DMD: variants seen among roughly 807,000 people sequenced by gnomAD.
DMD encodes mutant dystrophin.
DMD carries 63 observed loss-of-function variants against 330.1 expected under a neutral mutation model. The observed-to-expected ratio is 0.19, with a 90% CI of 0.16 to 0.24. The LOEUF (loss-of-function observed/expected upper bound fraction) is 0.24, where lower values mean the gene tolerates loss of function less well. Among genes scored for constraint, DMD ranks in the 10% least tolerant of loss-of-function variants. DMD has a pLI of 1.00. For synonymous variants in DMD, 1,223 were observed against 959.8 expected (o/e 1.27, Z -5.07); for missense variants, 3,344 against 2,684.1 (o/e 1.25, Z -5.43).
At chrX:33,298,447 G>C (rs1449844491) in intron 1 of DMD, among the ~76,000 whole-genome samples, 2 of 111,334 alleles carry the variant, frequency 1.8e-5, no homozygotes, top group East Asian at 5.7e-4. Flanking sequence ...GCTGAAAAAA[G>C]GAGAAAACTA....
At chrX:32,474,202 CATACAT>C (rs1167039385) in intron 21 of DMD, among the ~76,000 whole-genome samples, 11 of 28,795 alleles carry the variant, frequency 3.8e-4, no homozygotes, top group Admixed American at 6.0e-4. Flanking sequence ...TATATACATA[CATACAT>C]ACACACACAC....
intron 7 of DMD, among the ~76,000 whole-genome samples, chrX:32,774,788 G>A (rs1033229285): frequency 3.6e-5 from 4 of 110,828 alleles, no homozygotes; most frequent in African/African-American, 6.6e-5. Context: ...TTCTGCTCCC[G>A]GCCCCTCCCA....
Position 31,484,557 on chromosome X carries a change from C to A in DMD, c.8548-5454G>T, listed in dbSNP as rs751280932. 3.6e-5 allele frequency among the ~76,000 whole-genome samples: 4 copies of A among 111,683 alleles called. No homozygotes were observed. In the South Asian group the frequency reaches 1.5e-3, roughly 42 times the overall value. Reference sequence around the variant, plus strand: ...GAAGCAATACTAAAGACGTAGAGCACCTCTATGAAAATAAAATATGCAATT... The same window carrying A: ...GAAGCAATACTAAAGACGTAGAGCAACTCTATGAAAATAAAATATGCAATT... On this transcript the variant is annotated intron_variant, in intron 57 of 78. Transcript: ENST00000357033.
At chrX:33,118,058 T>A (rs1274556236) in intron 1 of DMD, among the ~76,000 whole-genome samples, 1 of 109,841 alleles carries the variant, frequency 9.1e-6, no homozygotes, top group Non-Finnish European at 1.9e-5. Flanking sequence ...CTAATTTACA[T>A]CCTATACTTG....
chrX:32,873,683 A>C (rs765124910), intron 2 of DMD, among the ~76,000 whole-genome samples: 1 of 112,410 alleles, frequency 8.9e-6, no homozygotes, highest in African/African-American at 3.2e-5. Context: ...ATGCAAACAT[A>C]AAATGATAAC....
intron 4 of DMD, among the ~76,000 whole-genome samples, chrX:32,844,469 G>C (rs1158045524): frequency 1.8e-5 from 2 of 110,012 alleles, no homozygotes; most frequent in East Asian, 5.7e-4. Context: ...AGCAAAGTAA[G>C]AAAAGAAACC....
chrX:32,731,648 G>A (rs939240854), intron 7 of DMD, among the ~76,000 whole-genome samples: 1 of 112,004 alleles, frequency 8.9e-6, no homozygotes, highest in Non-Finnish European at 1.9e-5. Flanking sequence ...CCCAAAAGGG[G>A]CATACTGACA....
intron 7 of DMD, among the ~76,000 whole-genome samples, chrX:32,807,122 T>TAAAAAAAAAAAAAAAAAAAAA (rs999286386): frequency 4.8e-5 from 1 of 20,741 alleles, no homozygotes; most frequent in African/African-American, 2.2e-4. Flanking sequence ...CGGAAACATT[T>TAAAAAAAAAAAAAAAAAAAAA]AAAAAAAAAA....
At chrX:31,255,881 T>A (rs2049909289) in intron 63 of DMD, among the ~76,000 whole-genome samples, 1 of 107,275 alleles carries the variant, frequency 9.3e-6, no homozygotes, top group African/African-American at 3.4e-5. Context: ...GTTCAAGTGA[T>A]TCTTCAGCCT....
At chrX:33,021,631 A>T (rs1377937017) in intron 1 of DMD, among the ~76,000 whole-genome samples, 1 of 111,801 alleles carries the variant, frequency 8.9e-6, no homozygotes, top group African/African-American at 3.2e-5. Flanking sequence ...TTTATCTTTA[A>T]ATCACAATAC....
chrX:31,858,037 G>A (rs1359665655), intron 48 of DMD, among the ~76,000 whole-genome samples: 1 of 110,632 alleles, frequency 9.0e-6, no homozygotes, highest in Admixed American at 9.7e-5. Flanking sequence ...GGAATACAAA[G>A]TTATTATAAG....
At chrX:32,925,661 T>C (rs988839257) in intron 2 of DMD, among the ~76,000 whole-genome samples, 1 of 112,042 alleles carries the variant, frequency 8.9e-6, no homozygotes, top group East Asian at 2.8e-4. Context: ...TATGTAAAAG[T>C]GTAGTACATG....
chrX:33,143,927 A>G (rs1204480999), intron 1 of DMD, among the ~76,000 whole-genome samples: 1 of 111,815 alleles, frequency 8.9e-6, no homozygotes, highest in Non-Finnish European at 1.9e-5. Flanking sequence ...ACAAATAAAT[A>G]TGAAGACCAG....
At chrX:31,418,748 C>A (rs1338639715) in intron 60 of DMD, among the ~76,000 whole-genome samples, 1 of 111,936 alleles carries the variant, frequency 8.9e-6, no homozygotes, top group Non-Finnish European at 1.9e-5. Context: ...AGATGTAACT[C>A]TTATTTTATC....
chrX:32,704,627 T>C (rs1354521806), intron 7 of DMD, among the ~76,000 whole-genome samples: 1 of 111,745 alleles, frequency 8.9e-6, no homozygotes, highest in African/African-American at 3.3e-5. Context: ...CTTTTAAGAG[T>C]TTTATTAAAC....
intron 2 of DMD, among the ~76,000 whole-genome samples, chrX:32,865,753 A>T (rs892136353): frequency 8.9e-6 from 1 of 112,673 alleles, no homozygotes; most frequent in Admixed American, 9.4e-5. Flanking sequence ...ATTGTTTAGG[A>T]AAAACCAATA....
At position 31,830,653 on chromosome X, in the gene DMD, A is replaced by G. The variant is rs1433821088; in HGVS notation, c.7200+6065T>C. 2.7e-5 allele frequency among the ~76,000 whole-genome samples: 3 copies of G among 112,303 alleles called. No homozygotes were observed. The Admixed American group carries it at 2.8e-4, about 11-fold the overall frequency. On this transcript the variant is annotated intron_variant, in intron 49 of 78. Coordinates refer to ENST00000357033, the MANE Select transcript of DMD (RefSeq NM_004006.3). Reference sequence around the variant, plus strand: ...AAAAATGAAAAAAACAGTTTTCCTAATATTTTGTGAATGGGTATTGAAGTT... The same window carrying G: ...AAAAATGAAAAAAACAGTTTTCCTAGTATTTTGTGAATGGGTATTGAAGTT...
intron 43 of DMD, among the ~76,000 whole-genome samples, chrX:32,247,914 C>G (rs1484002561): frequency 5.4e-5 from 6 of 111,766 alleles, no homozygotes; most frequent in Non-Finnish European, 1.1e-4. Context: ...ACCAGTTTGA[C>G]AGAGTTTAAG....
intron 44 of DMD, among the ~76,000 whole-genome samples, chrX:32,178,247 AGAAAT>A (rs1303747308): frequency 9.1e-6 from 1 of 109,518 alleles, no homozygotes; most frequent in Non-Finnish European, 1.9e-5. Context: ...CATGTACACT[AGAAAT>A]GATAGTGTGA....
Sources: gnomAD v4.1 joint callset for allele counts (sites outside exome capture counted in the v4.1 genomes callset) on GRCh38, gnomAD v4.1.1 for gene constraint, MANE v1.5 for transcripts, NCBI Gene and HGNC (gene_info 2026-07-23, HGNC 2026-07-21) for gene names.